Variants in SYNE2 observed in about 807,000 individuals in gnomAD.
SYNE2 encodes spectrin repeat containing nuclear envelope protein 2.
A neutral mutation model predicts 856.3 loss-of-function variants in SYNE2; 431 were observed. The observed-to-expected ratio is 0.50, with a 90% CI of 0.47 to 0.55. SYNE2 has a LOEUF of 0.55. SYNE2 is among the 20% of genes least tolerant of loss of function. SYNE2 has a pLI of 0.00. For synonymous variants in SYNE2, 2,923 were observed against 2,872.3 expected (o/e 1.02, Z -0.56); for missense variants, 8,129 against 8,023.2 (o/e 1.01, Z -0.50).
intron 1 of SYNE2, among the ~76,000 whole-genome samples, chr14:63,821,394 C>A (rs1032187080): frequency 6.6e-6 from 1 of 151,992 alleles, no homozygotes; most frequent in African/African-American, 2.4e-5. Context: ...AAATATAGCA[C>A]CCCAAACATC....
chr14:64,130,217 T>C lies in SYNE2; in HGVS notation c.14309T>C (p.Val4770Ala), dbSNP rs1567395881. Residue 4770 changes from valine (V) to alanine (A), a missense_variant, in exon 76 of 116, where the codon GTG (valine) becomes GCG (alanine). Val to Ala is a moderately conservative substitution (Grantham distance 64, BLOSUM62 0). Coordinates refer to ENST00000555002, the MANE Select transcript of SYNE2 (RefSeq NM_182914.3). ...HGHLKQTKSK[V>A]ALQAQIENHK... ...CACTTAAAACAAACCAAAAGTAAAGTGGCGTTACAGGCTCAAATAGAAAAT... is the reference window on the plus strand; with the variant it reads ...CACTTAAAACAAACCAAAAGTAAAGCGGCGTTACAGGCTCAAATAGAAAAT... 6.2e-7 allele frequency: 1 copy of C among 1,613,546 alleles called. No individual in the cohort carries two copies. The highest frequency in any genetic ancestry group is 2.2e-5 in the East Asian group (1 of 44,814).
chr14:63,974,890 G>GTACATATATATATATATATATA (rs1281921502), intron 11 of SYNE2, among the ~76,000 whole-genome samples: 1 of 27,504 alleles, frequency 3.6e-5, no homozygotes. Context: ...GTGTGTGTGT[G>GTACATATATATATATATATATA]TGTATATATA....
rs576484873 is a variant in SYNE2 at position 63,931,278 on chromosome 14, G to A, written c.80-9336G>A. 8.8e-4 allele frequency among the ~76,000 whole-genome samples: 134 copies of A among 152,234 alleles called. 1 individual carries two copies. The highest frequency in any genetic ancestry group is 3.1e-3 in the African/African-American group (127 of 41,540). ...TTATTAAAATAAGGATTGGCCAGGC[G>A]CAGTGGCTCACGCCTGTAATCCCAG... is the stretch of plus-strand genomic sequence containing the variant. On this transcript the variant is annotated intron_variant, in intron 2 of 115. Coordinates refer to ENST00000555002, the MANE Select transcript of SYNE2 (RefSeq NM_182914.3).
At chr14:64,058,146 C>T (rs1172339737) in intron 49 of SYNE2, among the ~76,000 whole-genome samples, 1 of 152,130 alleles carries the variant, frequency 6.6e-6, no homozygotes, top group Non-Finnish European at 1.5e-5. Flanking sequence ...TAAATTTTTA[C>T]TTTGGTTGTC....
chr14:64,041,011 A>C (rs974885439), intron 45 of SYNE2, among the ~76,000 whole-genome samples: 2 of 152,184 alleles, frequency 1.3e-5, no homozygotes, highest in Admixed American at 1.3e-4. Flanking sequence ...TATGTCAATA[A>C]TAAATTTCTC....
intron 1 of SYNE2, among the ~76,000 whole-genome samples, chr14:63,792,863 G>T (rs1887784735): frequency 2.0e-5 from 3 of 151,636 alleles, no homozygotes; most frequent in Admixed American, 2.0e-4. Flanking sequence ...ATTTTTTGTA[G>T]AGATGGGGTC....
At chr14:63,794,548 A>C (rs1164734734) in intron 1 of SYNE2, among the ~76,000 whole-genome samples, 1 of 152,222 alleles carries the variant, frequency 6.6e-6, no homozygotes, top group African/African-American at 2.4e-5. Context: ...CTACACAGAA[A>C]ATCTTACAAC....
intron 99 of SYNE2, among the ~76,000 whole-genome samples, chr14:64,197,549 A>C (rs763614651): frequency 6.6e-6 from 1 of 152,174 alleles, no homozygotes; most frequent in Non-Finnish European, 1.5e-5. Context: ...AGGTTTGACT[A>C]TTTGTTTATT....
intron 1 of SYNE2, among the ~76,000 whole-genome samples, chr14:63,787,247 A>G (rs1278121067): frequency 6.6e-6 from 1 of 152,170 alleles, no homozygotes; most frequent in Non-Finnish European, 1.5e-5. Flanking sequence ...ATTGTTAACT[A>G]TAGTCACCTC....
At chr14:63,891,320 C>G (rs886071707) in intron 1 of SYNE2, among the ~76,000 whole-genome samples, 3 of 152,078 alleles carry the variant, frequency 2.0e-5, no homozygotes, top group Admixed American at 6.6e-5. Context: ...GCTTATATAC[C>G]AAAGGATGAC....
chr14:63,941,381 T>C (rs1393639140), intron 3 of SYNE2, among the ~76,000 whole-genome samples: 2 of 152,248 alleles, frequency 1.3e-5, no homozygotes. Context: ...AAATGTAATC[T>C]GCTTTCCAGA....
chr14:64,150,554 GT>G (rs1277516250), intron 84 of SYNE2, among the ~76,000 whole-genome samples: 94 of 65,770 alleles, frequency 1.4e-3, no homozygotes, highest in Non-Finnish European at 2.2e-3. Flanking sequence ...TTTGAAGGGT[GT>G]GTGTGTGTGT....
At chr14:64,002,142 A>G in intron 29 of SYNE2, 61 bp downstream of exon 29, 1 of 1,338,226 alleles carries the variant, frequency 7.5e-7, no homozygotes, top group Non-Finnish European at 1.1e-6. Flanking sequence ...AGATTTATAA[A>G]TCCTTATGGA....
chr14:63,797,634 GT>G (rs1292430921), intron 1 of SYNE2, among the ~76,000 whole-genome samples: 3 of 152,154 alleles, frequency 2.0e-5, no homozygotes, highest in African/African-American at 7.2e-5. Flanking sequence ...TAGAGACGGG[GT>G]TTCGCCATGT....
chr14:63,778,240 T>G (rs975041003), intron 1 of SYNE2, among the ~76,000 whole-genome samples: 3 of 152,160 alleles, frequency 2.0e-5, no homozygotes, highest in African/African-American at 7.2e-5. Context: ...CCCTCTCACC[T>G]GCCCCGTTGT....
intron 84 of SYNE2, among the ~76,000 whole-genome samples, chr14:64,148,176 A>G (rs1487986584): frequency 6.6e-6 from 1 of 152,136 alleles, no homozygotes; most frequent in East Asian, 1.9e-4. Flanking sequence ...TTAGCCGGGC[A>G]TGGTGGTGCA....
At chr14:64,128,834 C>T (rs1382588686) in intron 74 of SYNE2, among the ~76,000 whole-genome samples, 1 of 152,198 alleles carries the variant, frequency 6.6e-6, no homozygotes, top group African/African-American at 2.4e-5. Flanking sequence ...CATCCTCTTG[C>T]CAGGGGAGCC....
At chr14:64,177,529 T>A in intron 96 of SYNE2, 46 bp downstream of exon 96, 1 of 1,613,798 alleles carries the variant, frequency 6.2e-7, no homozygotes, top group Non-Finnish European at 8.5e-7. Context: ...TTAGCTGTTT[T>A]CTGAGTACTT....
chr14:64,014,245 G>A (rs1277677034), intron 32 of SYNE2, among the ~76,000 whole-genome samples: 1 of 152,120 alleles, frequency 6.6e-6, no homozygotes, highest in Non-Finnish European at 1.5e-5. Flanking sequence ...TGGTATAAAT[G>A]TGTCACAGTT....
Sources: gnomAD v4.1 joint callset for allele counts (sites outside exome capture counted in the v4.1 genomes callset) on GRCh38, gnomAD v4.1.1 for gene constraint, MANE v1.5 for transcripts, NCBI Gene and HGNC (gene_info 2026-07-23, HGNC 2026-07-21) for gene names.